DIAPH3: variants seen among roughly 807,000 people sequenced by gnomAD.
DIAPH3 encodes the protein diaphanous related formin 3.
In DIAPH3, 117 loss-of-function variants were observed where a neutral mutation model predicts 144.3. The ratio of observed to expected loss-of-function variants is 0.81; its 90% CI spans 0.70 to 0.95. DIAPH3 has a LOEUF of 0.95. Ranked by LOEUF, DIAPH3 falls within the 40% of genes least tolerant of loss-of-function variation. DIAPH3 has a pLI of 0.00. For missense variants in DIAPH3, 1,421 were observed against 1,412.7 expected (o/e 1.01, Z -0.09); for synonymous variants, 519 against 488.9 (o/e 1.06, Z -0.81).
intron 12 of DIAPH3, among the ~76,000 whole-genome samples, chr13:59,990,371 T>C (rs2051732601): frequency 6.6e-6 from 1 of 151,748 alleles, no homozygotes; most frequent in Non-Finnish European, 1.5e-5. Flanking sequence ...TACTTGAAAT[T>C]AAGTAGAAAA....
At position 60,010,645 on chromosome 13, in the gene DIAPH3, C is replaced by T. The variant is rs2053182842; in HGVS notation, c.796G>A (p.Glu266Lys). ...TQYGLERIMS[E>K]ERSLSLLAKA... ...GCCAATAAGGAAAGGCTCCTCTCCT[C>T]ACTCATAATTCTTTCCAAGCCATAC... The change falls in exon 8 of 28, where the codon GAG becomes AAG. Residue 266 changes from glutamate to lysine, a missense_variant. Glu to Lys is a moderately conservative substitution (Grantham distance 56, BLOSUM62 1). Coordinates refer to ENST00000400324, the MANE Select transcript of DIAPH3 (RefSeq NM_001042517.2). The T allele has an allele frequency of 6.2e-7, 1 of 1,613,596 alleles. No homozygotes were observed. The highest frequency in any genetic ancestry group is 8.5e-7 in the Non-Finnish European group (1 of 1,179,712).
At chr13:59,763,905 T>G (rs1322032696) in intron 27 of DIAPH3, among the ~76,000 whole-genome samples, 1 of 152,080 alleles carries the variant, frequency 6.6e-6, no homozygotes, top group Non-Finnish European at 1.5e-5. Context: ...GGTTAACTAA[T>G]GGGTTTCTCT....
At chr13:60,035,820 C>T (rs935539067) in intron 5 of DIAPH3, among the ~76,000 whole-genome samples, 3 of 152,146 alleles carry the variant, frequency 2.0e-5, no homozygotes, top group Admixed American at 1.3e-4. Context: ...TTAAGAGGTA[C>T]AAGTAGGCAC....
chr13:59,723,433 A>G (rs1368248849), intron 27 of DIAPH3, among the ~76,000 whole-genome samples: 1 of 152,030 alleles, frequency 6.6e-6, no homozygotes, highest in Non-Finnish European at 1.5e-5. Context: ...TGGCTAATTA[A>G]AGTGGAAACC....
chr13:60,075,443 CTTT>C (rs1186962731), intron 4 of DIAPH3, among the ~76,000 whole-genome samples: 1 of 152,128 alleles, frequency 6.6e-6, no homozygotes, highest in Non-Finnish European at 1.5e-5. Flanking sequence ...ATGTAGCCAT[CTTT>C]TTTCCCTTAT....
chr13:59,718,979 A>G, intron 27 of DIAPH3, among the ~76,000 whole-genome samples: 1 of 152,198 alleles, frequency 6.6e-6, no homozygotes, highest in East Asian at 1.9e-4. Context: ...ACCTGAAAAT[A>G]AACACAATAT....
chr13:59,718,073 C>A (rs542861740), intron 27 of DIAPH3, among the ~76,000 whole-genome samples: 1 of 152,016 alleles, frequency 6.6e-6, no homozygotes, highest in South Asian at 2.1e-4. Context: ...TTATTTATTC[C>A]GTTTCAGACT....
At chr13:60,161,483 C>G (rs1302980005) in intron 1 of DIAPH3, among the ~76,000 whole-genome samples, 5 of 152,186 alleles carry the variant, frequency 3.3e-5, no homozygotes, top group South Asian at 4.1e-4. Context: ...AGTACAGGAA[C>G]AGAGTAGAGC....
chr13:59,704,723 GAGTA>G (rs527520537), intron 27 of DIAPH3, among the ~76,000 whole-genome samples: 1 of 152,170 alleles, frequency 6.6e-6, no homozygotes, highest in Non-Finnish European at 1.5e-5. Flanking sequence ...TGCAGCCTAG[GAGTA>G]ACAGGTTACA....
chr13:59,885,997 G>A (rs1566467478), intron 20 of DIAPH3, among the ~76,000 whole-genome samples: 1 of 151,840 alleles, frequency 6.6e-6, no homozygotes, highest in South Asian at 2.1e-4. Context: ...AACTAATACA[G>A]GCTATTTTAA....
At chr13:59,904,595 C>G (rs1282397579) in intron 20 of DIAPH3, among the ~76,000 whole-genome samples, 2 of 151,902 alleles carry the variant, frequency 1.3e-5, no homozygotes, top group Non-Finnish European at 1.5e-5. Context: ...AAGAATTAAC[C>G]AACTGCTATT....
intron 1 of DIAPH3, among the ~76,000 whole-genome samples, chr13:60,142,382 TGGAAAAAC>T (rs2059442705): frequency 6.6e-6 from 1 of 152,218 alleles, no homozygotes; most frequent in African/African-American, 2.4e-5. Context: ...AGGCAATTTT[TGGAAAAAC>T]TCAGTTAATT....
intron 20 of DIAPH3, among the ~76,000 whole-genome samples, chr13:59,889,026 C>T (rs972137893): frequency 2.6e-5 from 4 of 151,888 alleles, no homozygotes; most frequent in African/African-American, 9.7e-5. Context: ...CCTCAAGATA[C>T]TTTTATCATT....
chr13:59,672,393 G>GTA (rs139805685), intron 27 of DIAPH3, among the ~76,000 whole-genome samples: 3,652 of 152,202 alleles, frequency 0.024, 70 homozygotes, highest in Non-Finnish European at 0.035. Context: ...GTAGAACTCT[G>GTA]GTGTCCTAAA....
At chr13:59,865,878 T>C (rs1337587995) in intron 21 of DIAPH3, among the ~76,000 whole-genome samples, 4 of 152,048 alleles carry the variant, frequency 2.6e-5, no homozygotes, top group Non-Finnish European at 5.9e-5. Context: ...CTTCGTGATC[T>C]TCAGAAGTCA....
intron 27 of DIAPH3, among the ~76,000 whole-genome samples, chr13:59,702,241 C>T (rs1359426529): frequency 1.3e-5 from 2 of 152,134 alleles, no homozygotes; most frequent in African/African-American, 2.4e-5. Flanking sequence ...AAGAAATGCC[C>T]TAGCTTTCTA....
At chr13:60,078,166 T>C (rs73218516) in intron 4 of DIAPH3, among the ~76,000 whole-genome samples, 6,560 of 152,126 alleles carry the variant, frequency 0.043, 186 homozygotes, top group East Asian at 0.1. Flanking sequence ...AAATGACACA[T>C]TACCTCAGTA....
intron 20 of DIAPH3, among the ~76,000 whole-genome samples, chr13:59,883,422 C>A (rs990207651): frequency 2.0e-5 from 3 of 152,072 alleles, no homozygotes; most frequent in African/African-American, 4.8e-5. Context: ...CTTAACATGG[C>A]ACACCTCAGA....
At chr13:60,077,122 T>A (rs1029989682) in intron 4 of DIAPH3, among the ~76,000 whole-genome samples, 3 of 152,142 alleles carry the variant, frequency 2.0e-5, no homozygotes, top group Non-Finnish European at 4.4e-5. Flanking sequence ...ATACTTGGAA[T>A]GTTACTTGAT....
Sources: allele counts gnomAD v4.1 joint callset (sites outside exome capture counted in the v4.1 genomes callset), GRCh38; gene constraint gnomAD v4.1.1; transcripts MANE v1.5; gene names NCBI Gene and HGNC (gene_info 2026-07-23, HGNC 2026-07-21).